The following ZNF556 variants were observed in gnomAD, a reference collection of about 807,000 sequenced individuals.
The protein encoded by ZNF556 is zinc finger protein 556.
ZNF556 carries 11 observed loss-of-function variants against 13.6 expected under a neutral mutation model. The observed-to-expected ratio is 0.81, with a 90% CI of 0.51 to 1.33. ZNF556 has a LOEUF of 1.33. ZNF556 is among the 40% of genes most tolerant of loss of function. The pLI, the probability that ZNF556 is intolerant of heterozygous loss-of-function variation, is 0.00. For missense variants in ZNF556, 633 were observed against 566.2 expected (o/e 1.12, Z -1.20); for synonymous variants, 229 against 207.8 (o/e 1.10, Z -0.88).
rs1432494005 is a variant in ZNF556 at position 2,876,178 on chromosome 19, A to G, written c.216A>G (p.Glu72=). ...GEKLSLKQKI[E]KFTRKNIWAS... ...AATTATCCCTCAAACAGAAAATAGAAAAGTTCACAAGAAAGAATATATGGG... is the reference window on the plus strand; with the variant it reads ...AATTATCCCTCAAACAGAAAATAGAGAAGTTCACAAGAAAGAATATATGGG... Residue 72 remains glutamate (E), a synonymous_variant, in exon 3 of 4, where the codon GAA becomes GAG. Coordinates refer to ENST00000307635, the MANE Select transcript of ZNF556 (RefSeq NM_024967.3). 1.2e-6 allele frequency: 2 copies of G among 1,612,678 alleles called. No homozygotes were observed. The highest frequency in any genetic ancestry group is 2.7e-5 in the African/African-American group (2 of 74,820).
chr19:2,873,317 A>T (rs514986), intron 1 of ZNF556, among the ~76,000 whole-genome samples, 179 bp from the exon 2 acceptor site: 103,896 of 152,108 alleles, frequency 0.68, 37,515 homozygotes, highest in African/African-American at 0.89. Flanking sequence ...TGTCAAAGAC[A>T]AAAAAACCTA....
In ZNF556 at chr19:2,873,561, T is replaced by C. The variant is rs781114760; in HGVS notation, c.69T>C (p.Pro23=). Residue 23 remains proline, a synonymous_variant, in exon 2 of 4, where the codon CCT becomes CCC. Transcript: ENST00000307635. ...TGGAGGAGTGGGCCTTGCTGAATCC[T>C]GCTCAGAGAAAACTCTACAGAGATG... The part of the protein sequence containing the change: ...FTLEEWALLN[P]AQRKLYRDVM... 4 of 1,614,152 alleles carry C rather than the reference T, an allele frequency of 2.5e-6. No individual in the cohort carries two copies. The highest frequency in any genetic ancestry group is 3.4e-6 in the Non-Finnish European group (4 of 1,179,998).
rs1370921633 is a variant in ZNF556, at chr19:2,878,980, TAC to T, written c.*652_*653del. 6.6e-6 allele frequency: 1 copy of T among 152,218 alleles called. No homozygotes were observed. Among genetic ancestry groups the T allele is most frequent in the African/African-American group, 2.4e-5 (1 of 41,460 alleles). 9.4% of individuals were successfully genotyped at this position (152,218 alleles called of 1,614,324 possible). Reference sequence around the variant, plus strand: ...TTTAATTTTTATATATTTTTTTTGTTACTCCGTGTGAGGCCATTAGACCAATG... The same window carrying T: ...TTTAATTTTTATATATTTTTTTTGTTTCCGTGTGAGGCCATTAGACCAATG... On this transcript the variant is annotated 3_prime_UTR_variant, in exon 4 of 4. Transcript: ENST00000307635.
At chr19:2,871,393 C>T (rs747741735) in intron 1 of ZNF556, among the ~76,000 whole-genome samples, 17 of 152,136 alleles carry the variant, frequency 1.1e-4, no homozygotes, top group Non-Finnish European at 2.5e-4. Flanking sequence ...TTGCCTGCGG[C>T]TGAGGGACAG....
chr19:2,869,346 A>C (rs1471356756), intron 1 of ZNF556, among the ~76,000 whole-genome samples: 1 of 150,396 alleles, frequency 6.6e-6, no homozygotes, highest in Non-Finnish European at 1.5e-5. Context: ...CCCATGAGGA[A>C]ATTTTATATC....
At chr19:2,874,834 C>T (rs1367214360) in intron 2 of ZNF556, 1 of 150,816 alleles carries the variant, frequency 6.6e-6, no homozygotes, top group Non-Finnish European at 1.5e-5. Flanking sequence ...ATACTGGCGG[C>T]ACAGAGAGGT....
rs770194842 is a variant in ZNF556, at chr19:2,876,297, A to G, written c.314+21A>G. On this transcript the variant is annotated intron_variant, in intron 3 of 3. Transcript: ENST00000307635. The stretch of plus-strand genomic sequence containing the variant: ...TTGAGGTGAGTTGTACTTAGAAGAA[A>G]AAGGCAGTATCGCCAGGCACGGTGG... 1.3e-5 allele frequency: 20 copies of G among 1,550,504 alleles called. No homozygotes were observed. The South Asian group carries it at 1.6e-4, about 12-fold the overall frequency.
chr19:2,874,758 A>AAAAAAG (rs1555725942), intron 2 of ZNF556, among the ~76,000 whole-genome samples: 64 of 130,754 alleles, frequency 4.9e-4, no homozygotes, highest in Non-Finnish European at 7.9e-4. Context: ...AAAAAAAAAA[A>AAAAAAG]AAAGAAAGAA....
Position 2,880,363 on chromosome 19 carries a change from C to CT in ZNF556, c.*2035dup, listed in dbSNP as rs2087895347. 6.6e-6 allele frequency: 1 copy of CT among 152,168 alleles called. No individual in the cohort carries two copies. Among genetic ancestry groups the CT allele is most frequent in the African/African-American group, 2.4e-5 (1 of 41,444 alleles). The allele number at this position is 152,168 out of a possible 1,614,324, so 9.4% of individuals were successfully genotyped here. A position where few individuals can be genotyped will look rare whatever the true frequency, so the allele number is the denominator to read the frequency against. On this transcript the variant is annotated 3_prime_UTR_variant, in exon 4 of 4. Coordinates refer to ENST00000307635, the MANE Select transcript of ZNF556 (RefSeq NM_024967.3). Reference sequence around the variant, plus strand: ...TGTTTCTTAGAAATAGCCTATTTAACTGAGTTTTTCAAATAAGTTGTATAC... The same window carrying CT: ...TGTTTCTTAGAAATAGCCTATTTAACTTGAGTTTTTCAAATAAGTTGTATAC...
At chr19:2,869,594 C>T (rs2087785478) in intron 1 of ZNF556, among the ~76,000 whole-genome samples, 1 of 152,112 alleles carries the variant, frequency 6.6e-6, no homozygotes. Context: ...TCTCAATCTC[C>T]TGACCTCATG....
rs57053138 is a variant in ZNF556, at chr19:2,882,531, A to ATATTGT, written c.*4202_*4203insTATTGT. On this transcript the variant is annotated 3_prime_UTR_variant, in exon 4 of 4. Coordinates refer to ENST00000307635, the MANE Select transcript of ZNF556 (RefSeq NM_024967.3). Reference sequence around the variant, plus strand: ...ATACATTTTATATATATATATATATAGTGTGTGTGTGTGTGTGTGTGTGTG... The same window carrying ATATTGT: ...ATACATTTTATATATATATATATATATATTGTGTGTGTGTGTGTGTGTGTGTGTGTG... 1 of 127,722 alleles carries ATATTGT rather than the reference A, an allele frequency of 7.8e-6. No homozygotes were observed. Among genetic ancestry groups the ATATTGT allele is most frequent in the Non-Finnish European group, 1.6e-5 (1 of 62,732 alleles). 7.9% of individuals were successfully genotyped at this position (127,722 alleles called of 1,614,324 possible).
Position 2,879,137 on chromosome 19 carries a change from C to A in ZNF556, c.*808C>A, listed in dbSNP as rs976371747. The A allele has an allele frequency of 6.6e-6, 1 of 152,060 alleles. No individual in the cohort carries two copies. The highest frequency in any genetic ancestry group is 2.4e-5 in the African/African-American group (1 of 41,394). 9.4% of individuals were successfully genotyped at this position (152,060 alleles called of 1,614,324 possible). ...CTATTTTTAATGTTAATACTTTCTA[C>A]TTATACAGGCAAGTAATTCAGTGGC... On this transcript the variant is annotated 3_prime_UTR_variant, in exon 4 of 4. Transcript: ENST00000307635.
chr19:2,875,789 C>T (rs1021078860), intron 2 of ZNF556, among the ~76,000 whole-genome samples: 2 of 151,444 alleles, frequency 1.3e-5, no homozygotes, highest in African/African-American at 4.8e-5. Flanking sequence ...ATGGTGAAAC[C>T]CCGTCTCTAC....
chr19:2,876,994 C>A (rs544669931), intron 3 of ZNF556, among the ~76,000 whole-genome samples: 1 of 151,994 alleles, frequency 6.6e-6, no homozygotes, highest in African/African-American at 2.4e-5. Flanking sequence ...AGGTGGGTCA[C>A]CTGTGGTGAG....
chr19:2,873,765 G>T, intron 2 of ZNF556, 143 bp downstream of exon 2: 1 of 958,134 alleles, frequency 1.0e-6, no homozygotes, highest in Non-Finnish European at 1.5e-6. Context: ...ACCAGCCTGG[G>T]CAACATAGTG....
In ZNF556 at chr19:2,880,190, C is replaced by T. The variant is rs1292821912; in HGVS notation, c.*1861C>T. On this transcript the variant is annotated 3_prime_UTR_variant, in exon 4 of 4. Coordinates refer to ENST00000307635, the MANE Select transcript of ZNF556 (RefSeq NM_024967.3). ...CAGGTAAACTCTGGAAATTTCCTGT[C>T]ACATAGAGCTGAATACAATCTCTCA... 2 of 152,064 alleles carry T rather than the reference C, an allele frequency of 1.3e-5. No homozygotes were observed. Among genetic ancestry groups the T allele is most frequent in the African/African-American group, 2.4e-5 (1 of 41,392 alleles). 9.4% of individuals were successfully genotyped at this position (152,064 alleles called of 1,614,324 possible).
rs767661680 is a variant in ZNF556, at chr19:2,878,663, G to A, written c.*334G>A. The A allele has an allele frequency of 2.3e-4, 42 of 181,860 alleles. No homozygotes were observed. Among genetic ancestry groups the A allele is most frequent in the Non-Finnish European group, 4.2e-4 (36 of 85,862 alleles). 11.3% of individuals were successfully genotyped at this position (181,860 alleles called of 1,614,324 possible). On this transcript the variant is annotated 3_prime_UTR_variant, in exon 4 of 4. Coordinates refer to ENST00000307635, the MANE Select transcript of ZNF556 (RefSeq NM_024967.3). ...TGCACTCCAGCCTGGGTGACAGAGC[G>A]AGACTCCATCTCCAAAAAAAGAAAA...
intron 1 of ZNF556, among the ~76,000 whole-genome samples, chr19:2,869,817 G>C (rs368956395): frequency 6.6e-6 from 1 of 152,136 alleles, no homozygotes; most frequent in Non-Finnish European, 1.5e-5. Flanking sequence ...TGTCAGATGA[G>C]ATCACTGCTC....
rs879407198 is a variant in ZNF556 at position 2,867,349 on chromosome 19, G to A, written c.-73G>A. ...CGGCCTGCCCTGAGTGACCACAGGT[G>A]TCCCCGTCGTGCTCACCTGCACCGG... On this transcript the variant is annotated 5_prime_UTR_variant, in exon 1 of 4. Coordinates refer to ENST00000307635, the MANE Select transcript of ZNF556 (RefSeq NM_024967.3). 28 of 1,553,960 alleles carry A rather than the reference G, an allele frequency of 1.8e-5. No individual in the cohort carries two copies. The highest frequency in any genetic ancestry group is 1.7e-4 in the Middle Eastern group (1 of 5,980).
Sources: allele counts gnomAD v4.1 joint callset (sites outside exome capture counted in the v4.1 genomes callset), GRCh38; gene constraint gnomAD v4.1.1; transcripts MANE v1.5; gene names NCBI Gene and HGNC (gene_info 2026-07-23, HGNC 2026-07-21).